ROR1: variants seen among roughly 807,000 people sequenced by gnomAD.
The protein encoded by ROR1 is inactive tyrosine-protein kinase transmembrane receptor ROR1.
A neutral mutation model predicts 78.8 loss-of-function variants in ROR1; 19 were observed. That is an observed-to-expected ratio of 0.24 (90% confidence interval 0.17 to 0.35). The LOEUF is 0.35. Ranked by LOEUF, ROR1 falls within the 10% of genes least tolerant of loss-of-function variation. The probability of loss-of-function intolerance (pLI) is 1.00; values close to 1 mark genes in which losing one functional copy is unlikely to be tolerated. For missense variants in ROR1, 917 were observed against 1,177.8 expected (o/e 0.78, Z 3.24); for synonymous variants, 386 against 433.6 (o/e 0.89, Z 1.36).
chr1:64,166,185 A>C (rs914749665), intron 8 of ROR1, among the ~76,000 whole-genome samples: 10 of 152,150 alleles, frequency 6.6e-5, no homozygotes, highest in Non-Finnish European at 1.2e-4. Context: ...GTAGGTGTGC[A>C]ATCTAATTTC....
At chr1:64,031,331 G>A (rs988131117) in intron 2 of ROR1, among the ~76,000 whole-genome samples, 12 of 152,216 alleles carry the variant, frequency 7.9e-5, no homozygotes, top group African/African-American at 2.2e-4. Context: ...CACGACTGTA[G>A]AAGTCAGATG....
intron 1 of ROR1, among the ~76,000 whole-genome samples, chr1:63,878,215 C>A (rs1041697238): frequency 1.3e-5 from 2 of 152,098 alleles, no homozygotes; most frequent in Admixed American, 1.3e-4. Context: ...CGTGAAGGAC[C>A]AGGGAGGTGA....
chr1:63,904,467 G>A (rs531770710), intron 1 of ROR1, among the ~76,000 whole-genome samples: 19 of 152,246 alleles, frequency 1.2e-4, no homozygotes, highest in Admixed American at 3.9e-4. Flanking sequence ...TTGCCAGCTT[G>A]TGTCTGGACT....
At chr1:63,817,821 G>T (rs1644901189) in intron 1 of ROR1, among the ~76,000 whole-genome samples, 4 of 152,142 alleles carry the variant, frequency 2.6e-5, no homozygotes, top group Admixed American at 2.6e-4. Context: ...AGGGCTGGCT[G>T]GTTTGTGGGA....
At chr1:63,918,459 T>C (rs533503179) in intron 1 of ROR1, among the ~76,000 whole-genome samples, 2 of 152,286 alleles carry the variant, frequency 1.3e-5, no homozygotes, top group South Asian at 4.1e-4. Context: ...AACCACTCTT[T>C]ATGAAGAATC....
intron 1 of ROR1, among the ~76,000 whole-genome samples, chr1:63,927,659 A>G (rs1241334961): frequency 6.6e-6 from 1 of 152,112 alleles, no homozygotes; most frequent in East Asian, 1.9e-4. Flanking sequence ...TCATGGAAAT[A>G]AGGTGAATTG....
intron 1 of ROR1, among the ~76,000 whole-genome samples, chr1:63,948,410 G>C (rs146833835): frequency 2.2e-3 from 331 of 151,668 alleles, no homozygotes; most frequent in South Asian, 2.5e-3. Flanking sequence ...ATGGAAAGAA[G>C]AGAGTTTCTT....
chr1:64,126,708 C>T (rs1463725254), intron 4 of ROR1, among the ~76,000 whole-genome samples: 2 of 152,264 alleles, frequency 1.3e-5, no homozygotes, highest in South Asian at 2.1e-4. Flanking sequence ...GTGACTTTTC[C>T]ACTCAGCAAT....
chr1:64,093,675 T>C (rs1382887883), intron 4 of ROR1, among the ~76,000 whole-genome samples: 1 of 152,014 alleles, frequency 6.6e-6, no homozygotes, highest in Non-Finnish European at 1.5e-5. Context: ...GAACCTCTTT[T>C]TTTTTGTTTG....
chr1:64,066,307 T>C (rs1174767044), intron 4 of ROR1, among the ~76,000 whole-genome samples: 1 of 150,514 alleles, frequency 6.6e-6, no homozygotes, highest in Non-Finnish European at 1.5e-5. Flanking sequence ...ACATATGTAA[T>C]TTTAAACTCA....
At chr1:64,078,911 T>C (rs934868025) in intron 4 of ROR1, among the ~76,000 whole-genome samples, 2 of 152,148 alleles carry the variant, frequency 1.3e-5, no homozygotes, top group African/African-American at 2.4e-5. Context: ...GATGAGGTGC[T>C]GATAACACAA....
At chr1:63,908,627 T>C (rs948365939) in intron 1 of ROR1, among the ~76,000 whole-genome samples, 2 of 152,232 alleles carry the variant, frequency 1.3e-5, no homozygotes, top group South Asian at 2.1e-4. Flanking sequence ...CAAAACATGG[T>C]GGATTGCCCA....
rs1255193412 is a variant in ROR1, at chr1:64,159,183, T to C, written c.1377T>C (p.Tyr459=). The C allele has an allele frequency of 1.9e-6, 3 of 1,612,972 alleles. No homozygotes were observed. Among genetic ancestry groups the C allele is most frequent in the Non-Finnish European group, 2.5e-6 (3 of 1,179,086 alleles). The change falls in exon 8 of 9, where the codon TAT becomes TAC. Residue 459 remains tyrosine (Y), a synonymous_variant. Coordinates refer to ENST00000371079, the MANE Select transcript of ROR1 (RefSeq NM_005012.4). ...TAGAGATGTCAATGCTGAATGCATA[T>C]AAACCCAAGGTAATGTTAGCAGTAC... ...QNVEMSMLNA[Y]KPKSKAKELP...
chr1:63,972,193 G>C (rs1170527740), intron 1 of ROR1, among the ~76,000 whole-genome samples: 1 of 152,014 alleles, frequency 6.6e-6, no homozygotes, highest in African/African-American at 2.4e-5. Flanking sequence ...CATCTAACCT[G>C]GGCTCTCAAA....
chr1:64,118,351 G>A (rs118032963), intron 4 of ROR1, among the ~76,000 whole-genome samples: 31 of 151,900 alleles, frequency 2.0e-4, no homozygotes, highest in East Asian at 1.6e-3. Context: ...GGACCTGGCC[G>A]GGTGCTGTGG....
intron 4 of ROR1, chr1:64,111,898 A>T (rs760139439): frequency 6.6e-6 from 1 of 152,228 alleles, no homozygotes; most frequent in Non-Finnish European, 1.5e-5. Flanking sequence ...GATGTTTAAG[A>T]CTTGCTTACA....
intron 4 of ROR1, among the ~76,000 whole-genome samples, chr1:64,109,652 C>G (rs1647996715): frequency 6.6e-6 from 1 of 152,114 alleles, no homozygotes; most frequent in African/African-American, 2.4e-5. Context: ...ATCAGCCTCC[C>G]AAGTAGCTTG....
chr1:64,135,791 TAAAGG>T (rs1649082662), intron 4 of ROR1, among the ~76,000 whole-genome samples: 1 of 152,254 alleles, frequency 6.6e-6, no homozygotes, highest in Non-Finnish European at 1.5e-5. Context: ...TATGTGTATT[TAAAGG>T]TTAAGTTTTT....
At chr1:64,020,158 GA>G (rs1215113063) in intron 2 of ROR1, among the ~76,000 whole-genome samples, 1 of 152,162 alleles carries the variant, frequency 6.6e-6, no homozygotes, top group Non-Finnish European at 1.5e-5. Context: ...AAATGTGAAA[GA>G]ATAAATTGCT....
Sources: gnomAD v4.1 joint callset for allele counts (sites outside exome capture counted in the v4.1 genomes callset) on GRCh38, gnomAD v4.1.1 for gene constraint, MANE v1.5 for transcripts, NCBI Gene and HGNC (gene_info 2026-07-23, HGNC 2026-07-21) for gene names.